The following ZNF225 variants were observed in gnomAD, a reference collection of about 807,000 sequenced individuals.
ZNF225 encodes the protein zinc finger protein 225.
Under a neutral mutation model 12.0 loss-of-function variants are expected in ZNF225, and 6 were observed. The ratio of observed to expected loss-of-function variants is 0.50; its 90% CI spans 0.27 to 0.98. ZNF225 has a LOEUF of 0.98. Ranked by LOEUF, ZNF225 falls within the 50% of genes least tolerant of loss-of-function variation. ZNF225 has a pLI of 0.11. For synonymous variants in ZNF225, 271 were observed against 283.2 expected (o/e 0.96, Z 0.43); for missense variants, 763 against 848.2 (o/e 0.90, Z 1.25).
chr19:44,114,454 G>A (rs1452664971), intron 1 of ZNF225, among the ~76,000 whole-genome samples: 1 of 152,042 alleles, frequency 6.6e-6, no homozygotes, highest in African/African-American at 2.4e-5. Flanking sequence ...TGTATTTCAC[G>A]TTTAACTTCA....
At position 44,134,012 on chromosome 19, in the gene ZNF225, G is replaced by C. The variant is rs1030916624; in HGVS notation, c.*1277G>C. On this transcript the variant is annotated 3_prime_UTR_variant, in exon 5 of 5. Coordinates refer to ENST00000262894, the MANE Select transcript of ZNF225 (RefSeq NM_013362.4). Reference sequence around the variant, plus strand: ...GCTGTCTCAATTTGCATAGTGGGTTGGAGGTCCCTAAGACAATCTCTCCAG... The same window carrying C: ...GCTGTCTCAATTTGCATAGTGGGTTCGAGGTCCCTAAGACAATCTCTCCAG... 2.6e-5 allele frequency: 4 copies of C among 152,006 alleles called. No homozygotes were observed. The highest frequency in any genetic ancestry group is 9.7e-5 in the African/African-American group (4 of 41,368). The allele number at this position is 152,006 out of a possible 1,614,324, so 9.4% of individuals were successfully genotyped here.
chr19:44,132,092 T>A lies in ZNF225; in HGVS notation c.1478T>A (p.Phe493Tyr), dbSNP rs772131705. Residue 493 changes from phenylalanine (F) to tyrosine (Y), a missense_variant, in exon 5 of 5, where the codon TTT (phenylalanine) becomes TAT (tyrosine). Transcript: ENST00000262894. ...PFKCEECGKR[F>Y]TQNSQLYTHR... is the part of the protein sequence containing the mutation. ...AAATGTGAAGAATGTGGGAAAAGAT[T>A]TACTCAGAATTCACAACTTTATACC... is the stretch of plus-strand genomic sequence containing the variant. 3.1e-6 allele frequency: 5 copies of A among 1,613,824 alleles called. No individual in the cohort carries two copies. The highest frequency in any genetic ancestry group is 3.3e-4 in the Middle Eastern group (2 of 6,082).
At chr19:44,120,890 A>G (rs548701277) in intron 4 of ZNF225, among the ~76,000 whole-genome samples, 1 of 115,392 alleles carries the variant, frequency 8.7e-6, no homozygotes, top group South Asian at 3.0e-4. Flanking sequence ...AAGTCCCCAA[A>G]GTCCATTTCT....
upstream of ZNF225, among the ~76,000 whole-genome samples, chr19:44,111,597 T>A (rs1287067500): frequency 6.6e-6 from 1 of 152,182 alleles, no homozygotes; most frequent in Admixed American, 6.5e-5. Context: ...AGTATAAACA[T>A]AAAATATTCA....
At chr19:44,116,010 C>A (rs1967935310) in intron 2 of ZNF225, among the ~76,000 whole-genome samples, 168 bp downstream of exon 2, 1 of 152,134 alleles carries the variant, frequency 6.6e-6, no homozygotes, top group Non-Finnish European at 1.5e-5. Context: ...TACAGGCACA[C>A]ACCACCACAC....
chr19:44,115,362 T>C (rs1831945896), intron 1 of ZNF225, among the ~76,000 whole-genome samples: 1 of 152,242 alleles, frequency 6.6e-6, no homozygotes, highest in Admixed American at 6.5e-5. Flanking sequence ...ATCCTCTTTG[T>C]CACCTCAAAT....
At chr19:44,112,259 A>G (rs1417638983), upstream of ZNF225, 1 of 152,178 alleles carries the variant, frequency 6.6e-6, no homozygotes, top group African/African-American at 2.4e-5. Flanking sequence ...AGAAGGGAAG[A>G]TGGAGCCGCC....
intron 4 of ZNF225, 198 bp from the exon 5 acceptor site, chr19:44,130,652 G>C: frequency 2.2e-6 from 1 of 450,910 alleles, no homozygotes; most frequent in Non-Finnish European, 3.7e-6. Context: ...AGTGAGCGGA[G>C]ATCACGCCAC....
At chr19:44,114,201 G>T in intron 1 of ZNF225, 1 of 1,046,128 alleles carries the variant, frequency 9.6e-7, no homozygotes, top group South Asian at 1.3e-5. Context: ...GGCTTCTGAG[G>T]GCAAAGCTCT....
At chr19:44,125,915 T>G (rs1968138286) in intron 4 of ZNF225, among the ~76,000 whole-genome samples, 1 of 152,176 alleles carries the variant, frequency 6.6e-6, no homozygotes, top group Admixed American at 6.5e-5. Context: ...AGCTATCTAT[T>G]TCCTTGAATA....
chr19:44,126,273 C>T (rs1039298182), intron 4 of ZNF225, among the ~76,000 whole-genome samples: 2 of 152,142 alleles, frequency 1.3e-5, no homozygotes, highest in African/African-American at 4.8e-5. Context: ...ATGGATGTGG[C>T]CTCCTGTGAG....
chr19:44,132,716 T>C lies in ZNF225; in HGVS notation c.2102T>C (p.Leu701Ser). Residue 701 changes from leucine (L) to serine (S), a missense_variant, in exon 5 of 5, where the codon TTA becomes TCA. Leu to Ser is a moderately radical substitution (Grantham distance 145, BLOSUM62 -2). Transcript: ENST00000262894. Reference protein sequence around the residue: ...RRLNLDTLLSLFLNDT With the variant: ...RRLNLDTLLSSFLNDT Reference sequence around the variant, plus strand: ...TTGAATCTTGATACGCTTTTGTCATTATTTTTAAATGACACATAACTGTTG... The same window carrying C: ...TTGAATCTTGATACGCTTTTGTCATCATTTTTAAATGACACATAACTGTTG... 6.3e-7 allele frequency: 1 copy of C among 1,599,478 alleles called. No individual in the cohort carries two copies. Among genetic ancestry groups the C allele is most frequent in the Non-Finnish European group, 8.5e-7 (1 of 1,173,894 alleles).
At position 44,132,484 on chromosome 19, in the gene ZNF225, T is replaced by C. The variant is rs1271424133; in HGVS notation, c.1870T>C (p.Tyr624His). 3 of 1,614,148 alleles carry C rather than the reference T, an allele frequency of 1.9e-6. No homozygotes were observed. The highest frequency in any genetic ancestry group is 2.7e-5 in the African/African-American group (2 of 75,054). ...HQRVHTGEKPYKCEKCGKSFR... is the reference protein window; with the variant it reads ...HQRVHTGEKPHKCEKCGKSFR... The stretch of plus-strand genomic sequence containing the variant: ...GAGGGTTCACACTGGGGAAAAGCCA[T>C]ACAAATGTGAGAAGTGTGGAAAGAG... Residue 624 changes from tyrosine (Y) to histidine (H), a missense_variant, in exon 5 of 5, where the codon TAC becomes CAC. By Grantham distance (83) the Tyr-to-His change is moderately conservative. Transcript: ENST00000262894.
chr19:44,122,336 A>G (rs1968071659), intron 4 of ZNF225, among the ~76,000 whole-genome samples: 1 of 152,090 alleles, frequency 6.6e-6, no homozygotes, highest in South Asian at 2.1e-4. Context: ...TGGGTTCTCT[A>G]TTCTGTTCCT....
intron 4 of ZNF225, chr19:44,128,774 T>C (rs1054335479): frequency 5.8e-6 from 2 of 347,730 alleles, no homozygotes; most frequent in South Asian, 3.0e-4. Flanking sequence ...TAATTTCTAT[T>C]CTGGTTCTTT....
intron 4 of ZNF225, among the ~76,000 whole-genome samples, chr19:44,118,820 CTT>C (rs111822475): frequency 5.6e-5 from 8 of 143,296 alleles, no homozygotes; most frequent in Non-Finnish European, 3.1e-5. Flanking sequence ...TTTCTGGCTT[CTT>C]TTTTTTTTTT....
upstream of ZNF225, chr19:44,113,209 G>C (rs1967865901): frequency 6.6e-6 from 1 of 152,554 alleles, no homozygotes; most frequent in Non-Finnish European, 1.5e-5. Context: ...CAGTGGAGTA[G>C]CGGTCAGCTT....
rs577913205 is a variant in ZNF225 at position 44,129,895 on chromosome 19, AG to A, written c.236-953del. 126 of 152,348 alleles carry A rather than the reference AG, an allele frequency of 8.3e-4. 2 individuals are homozygous for A. Among genetic ancestry groups the A allele is most frequent in the African/African-American group, 2.7e-3 (113 of 41,580 alleles). The allele number at this position is 152,348 out of a possible 1,614,324, so 9.4% of individuals were successfully genotyped here. On this transcript the variant is annotated intron_variant, in intron 4 of 4. Transcript: ENST00000262894. The stretch of plus-strand genomic sequence containing the variant: ...CTTAGGATAATTTCTTTACTTCATA[AG>A]GATATACAATACAAACTAAAATATA...
At chr19:44,117,066 C>T (rs1183457630) in intron 2 of ZNF225, among the ~76,000 whole-genome samples, 1 of 151,812 alleles carries the variant, frequency 6.6e-6, no homozygotes, top group Non-Finnish European at 1.5e-5. Flanking sequence ...GAATACTATG[C>T]AGACATGAAA....
Sources: gnomAD v4.1 joint callset for allele counts (sites outside exome capture counted in the v4.1 genomes callset) on GRCh38, gnomAD v4.1.1 for gene constraint, MANE v1.5 for transcripts, NCBI Gene and HGNC (gene_info 2026-07-23, HGNC 2026-07-21) for gene names.